The following LAMA2 variants were observed in gnomAD, a reference collection of about 807,000 sequenced individuals.
LAMA2 encodes laminin subunit alpha-2.
A neutral mutation model predicts 364.8 loss-of-function variants in LAMA2; 269 were observed. The ratio of observed to expected loss-of-function variants is 0.74; its 90% confidence interval spans 0.67 to 0.82. The LOEUF (loss-of-function observed/expected upper bound fraction) is 0.82. LAMA2 is among the 40% of genes least tolerant of loss of function. LAMA2 has a pLI of 0.00. For missense variants in LAMA2, 3,807 were observed against 3,873.2 expected, an observed-to-expected ratio of 0.98 and a Z score of 0.45; for synonymous variants, 1,379 against 1,370.6, an observed-to-expected ratio of 1.01 and a Z score of -0.14.
chr6:129,206,082 G>A (rs149378130), intron 12 of LAMA2, among the ~76,000 whole-genome samples: 2,048 of 122,088 alleles, frequency 0.017, 79 homozygotes, highest in Non-Finnish European at 0.027. Flanking sequence ...GAAAGGAAAG[G>A]AGGAAGGAAG....
intron 10 of LAMA2, among the ~76,000 whole-genome samples, chr6:129,180,245 T>C (rs1345204772): frequency 6.6e-6 from 1 of 152,100 alleles, no homozygotes; most frequent in East Asian, 1.9e-4. Context: ...TAAATTCAAA[T>C]TAAATGACAG....
intron 48 of LAMA2, among the ~76,000 whole-genome samples, chr6:129,458,850 T>A (rs1289136289): frequency 2.0e-5 from 3 of 152,022 alleles, no homozygotes; most frequent in Non-Finnish European, 2.9e-5. Context: ...AGTAACTGAT[T>A]TTACTATTTA....
chr6:128,933,232 G>C (rs67934141), intron 1 of LAMA2, among the ~76,000 whole-genome samples: 49 of 67,318 alleles, frequency 7.3e-4, no homozygotes, highest in African/African-American at 3.9e-3. Flanking sequence ...CTCTCTTTCT[G>C]TGTGTGTGTG....
At chr6:129,401,363 A>G in intron 38 of LAMA2, 23 bp downstream of exon 38, 3 of 1,364,696 alleles carry the variant, frequency 2.2e-6, no homozygotes, top group Non-Finnish European at 3.1e-6. Flanking sequence ...TAAAACTCAA[A>G]AGAGAGATGA....
intron 1 of LAMA2, among the ~76,000 whole-genome samples, chr6:128,889,962 A>G (rs1389141277): frequency 1.3e-5 from 2 of 152,292 alleles, no homozygotes; most frequent in Non-Finnish European, 1.5e-5. Context: ...GGCCTCTGTG[A>G]CATGCCTAAT....
rs1424455269 is a variant in LAMA2 at position 129,453,059 on chromosome 6, C to T, written c.6501C>T (p.Tyr2167=). The T allele has an allele frequency of 6.2e-7, 1 of 1,612,508 alleles. No homozygotes were observed. The highest frequency in any genetic ancestry group is 1.3e-5 in the African/African-American group (1 of 74,848). The stretch of plus-strand genomic sequence containing the variant: ...AACCAGAAATCAAGAAAGGAAGTTA[C>T]AATAATATTGTTGTCAACGTAAAGA... The part of the protein sequence containing the change: ...TYKPEIKKGS[Y]NNIVVNVKTA... Residue 2167 remains tyrosine, a synonymous_variant, in exon 46 of 65, where the codon TAC becomes TAT. Transcript: ENST00000421865.
At chr6:129,514,829 G>C (rs140948550) in intron 64 of LAMA2, among the ~76,000 whole-genome samples, 1 of 152,116 alleles carries the variant, frequency 6.6e-6, no homozygotes, top group African/African-American at 2.4e-5. Flanking sequence ...AGTTTCCTTC[G>C]TGGAGAGATT....
intron 1 of LAMA2, among the ~76,000 whole-genome samples, chr6:128,962,339 GA>G (rs776716454): frequency 2.8e-4 from 43 of 151,474 alleles, no homozygotes; most frequent in Admixed American, 1.8e-3. Flanking sequence ...AACAGAATAT[GA>G]TATTACTTTC....
At chr6:129,357,203 G>A (rs1777197542) in intron 32 of LAMA2, among the ~76,000 whole-genome samples, 1 of 151,970 alleles carries the variant, frequency 6.6e-6, no homozygotes, top group Non-Finnish European at 1.5e-5. Flanking sequence ...GTAAAGTTTA[G>A]TATTTTGAAA....
At chr6:129,332,906 T>TGAGAGGGAG (rs1775740737) in intron 29 of LAMA2, among the ~76,000 whole-genome samples, 1 of 111,524 alleles carries the variant, frequency 9.0e-6, no homozygotes. Context: ...TTTTTTTTTT[T>TGAGAGGGAG]TTTTGAGAGG....
At chr6:129,493,539 C>T (rs1198559712) in intron 58 of LAMA2, among the ~76,000 whole-genome samples, 3 of 152,144 alleles carry the variant, frequency 2.0e-5, no homozygotes, top group Non-Finnish European at 4.4e-5. Context: ...GCACAGACAT[C>T]AAAGACTTTG....
chr6:129,460,520 G>A (rs1201125271), intron 49 of LAMA2, among the ~76,000 whole-genome samples, 196 bp downstream of exon 49: 2 of 152,054 alleles, frequency 1.3e-5, no homozygotes, highest in Non-Finnish European at 2.9e-5. Flanking sequence ...TCAAGGCCCT[G>A]GGAGGTATAC....
intron 41 of LAMA2, among the ~76,000 whole-genome samples, chr6:129,431,876 T>C (rs992256725): frequency 1.3e-5 from 2 of 152,226 alleles, no homozygotes; most frequent in African/African-American, 4.8e-5. Context: ...ATCATGGATG[T>C]AATACACTTG....
At chr6:129,134,294 A>G (rs1777659814) in intron 4 of LAMA2, among the ~76,000 whole-genome samples, 1 of 152,164 alleles carries the variant, frequency 6.6e-6, no homozygotes, top group Non-Finnish European at 1.5e-5. Context: ...ATCTCCCTAT[A>G]ATTTGAGGTT....
chr6:129,313,572 C>T (rs191244000), intron 23 of LAMA2, among the ~76,000 whole-genome samples: 60 of 152,240 alleles, frequency 3.9e-4, no homozygotes, highest in African/African-American at 1.3e-3. Context: ...CACATATAAA[C>T]GCTGTCATTA....
intron 22 of LAMA2, 119 bp from the exon 23 acceptor site, chr6:129,312,742 C>A (rs1275477981): frequency 3.9e-6 from 3 of 762,784 alleles, no homozygotes; most frequent in Non-Finnish European, 6.9e-6. Context: ...TAGTACAAAG[C>A]CTATAACAGA....
chr6:129,243,149 G>T (rs1015793383), intron 12 of LAMA2, among the ~76,000 whole-genome samples: 1 of 152,024 alleles, frequency 6.6e-6, no homozygotes, highest in East Asian at 1.9e-4. Flanking sequence ...GCAGCCAAAA[G>T]CATTCTTACC....
At chr6:129,172,914 C>T (rs777491571) in intron 9 of LAMA2, among the ~76,000 whole-genome samples, 17 of 152,288 alleles carry the variant, frequency 1.1e-4, no homozygotes, top group Non-Finnish European at 2.2e-4. Context: ...CGCAGTATTC[C>T]GGTGGGAGTG....
At chr6:129,379,073 G>T (rs1778533357) in intron 34 of LAMA2, among the ~76,000 whole-genome samples, 1 of 152,292 alleles carries the variant, frequency 6.6e-6, no homozygotes, top group South Asian at 2.1e-4. Context: ...GGATGGAGCT[G>T]GAGGACATTA....
Sources: allele counts gnomAD v4.1 joint callset (sites outside exome capture counted in the v4.1 genomes callset), GRCh38; gene constraint gnomAD v4.1.1; transcripts MANE v1.5; gene names NCBI Gene and HGNC (gene_info 2026-07-23, HGNC 2026-07-21).